The following DPYD variants were observed in gnomAD, a reference collection of about 807,000 sequenced individuals.
DPYD encodes the protein dihydropyrimidine dehydrogenase.
In DPYD, 109 loss-of-function variants were observed where a neutral mutation model predicts 116.2. The ratio of observed to expected loss-of-function variants is 0.94; its 90% CI spans 0.80 to 1.10. The LOEUF (loss-of-function observed/expected upper bound fraction) is 1.10, where lower values mean the gene tolerates loss of function less well. DPYD is among the 50% of genes least tolerant of loss of function. The probability of loss-of-function intolerance (pLI) is 0.00; values close to 1 mark genes in which losing one functional copy is unlikely to be tolerated. For synonymous variants in DPYD, 440 were observed against 432.0 expected, an observed-to-expected ratio of 1.02 and a Z score of -0.23; for missense variants, 1,302 against 1,254.5, an observed-to-expected ratio of 1.04 and a Z score of -0.57.
intron 20 of DPYD, among the ~76,000 whole-genome samples, chr1:97,154,636 G>A (rs1276550987): frequency 1.3e-5 from 2 of 151,444 alleles, no homozygotes; most frequent in Admixed American, 6.6e-5. Context: ...CCCAGCTACT[G>A]AGGGGTTGAT....
intron 11 of DPYD, among the ~76,000 whole-genome samples, chr1:97,560,707 A>G (rs1652084800): frequency 6.6e-6 from 1 of 152,166 alleles, no homozygotes; most frequent in Admixed American, 6.6e-5. Context: ...TAAGTAAGTG[A>G]ACTATATGAT....
intron 12 of DPYD, among the ~76,000 whole-genome samples, chr1:97,532,729 C>A (rs1649718689): frequency 6.7e-6 from 1 of 150,186 alleles, no homozygotes. Flanking sequence ...TGTTTCATTT[C>A]CGATTTTATT....
At chr1:97,614,646 C>A (rs1010740370) in intron 8 of DPYD, among the ~76,000 whole-genome samples, 1 of 152,090 alleles carries the variant, frequency 6.6e-6, no homozygotes, top group African/African-American at 2.4e-5. Flanking sequence ...CGACTACTCA[C>A]TAATATAAAT....
At chr1:97,150,535 C>G (rs1319561875) in intron 20 of DPYD, among the ~76,000 whole-genome samples, 3 of 152,202 alleles carry the variant, frequency 2.0e-5, no homozygotes, top group Admixed American at 2.0e-4. Context: ...CTATAATAAG[C>G]TCACCCAGGC....
At position 97,880,526 on chromosome 1, in the gene DPYD, C is replaced by A. The variant is rs2101635950; in HGVS notation, c.150+2738G>T. Among the ~76,000 whole-genome samples, 3 of 151,444 alleles carry A rather than the reference C, an allele frequency of 2.0e-5. No individual in the cohort carries two copies. The Middle Eastern group carries it at 0.01, about 515-fold the overall frequency. On this transcript the variant is annotated intron_variant, in intron 2 of 22. Coordinates refer to ENST00000370192, the MANE Select transcript of DPYD (RefSeq NM_000110.4). ...TTCATATTTCACTTTTGGGAATAAACCTTACTGCTCTGAGAAATTCATGAA... is the reference window on the plus strand; with the variant it reads ...TTCATATTTCACTTTTGGGAATAAAACTTACTGCTCTGAGAAATTCATGAA...
At chr1:97,251,411 A>AAT (rs1226235961) in intron 18 of DPYD, among the ~76,000 whole-genome samples, 1 of 143,370 alleles carries the variant, frequency 7.0e-6, no homozygotes, top group Non-Finnish European at 1.5e-5. Flanking sequence ...AAAAAAAAAA[A>AAT]AAGAAAGAAA....
At chr1:97,197,083 GAA>G (rs1369631104) in intron 19 of DPYD, among the ~76,000 whole-genome samples, 1 of 152,102 alleles carries the variant, frequency 6.6e-6, no homozygotes, top group Admixed American at 6.5e-5. Context: ...GTACAATGTA[GAA>G]AAGAGTATAG....
intron 3 of DPYD, among the ~76,000 whole-genome samples, chr1:97,761,187 A>G (rs1420445454): frequency 1.3e-5 from 2 of 152,162 alleles, no homozygotes; most frequent in Non-Finnish European, 2.9e-5. Context: ...GATAAAAACA[A>G]ATAAACACAA....
intron 16 of DPYD, among the ~76,000 whole-genome samples, chr1:97,355,531 C>T (rs1398583597): frequency 1.3e-5 from 2 of 152,104 alleles, no homozygotes; most frequent in Admixed American, 1.3e-4. Flanking sequence ...TGAGACTTTA[C>T]ATCCTTTCAC....
intron 13 of DPYD, among the ~76,000 whole-genome samples, chr1:97,459,458 G>GT (rs1163693194): frequency 3.3e-5 from 5 of 151,964 alleles, no homozygotes; most frequent in Non-Finnish European, 5.9e-5. Flanking sequence ...AGGAAAATAC[G>GT]TTTTTTAAAG....
chr1:97,789,955 C>G lies in DPYD; in HGVS notation c.233+38159G>C, dbSNP rs541849377. On this transcript the variant is annotated intron_variant, in intron 3 of 22. Transcript: ENST00000370192. ...TGGTTTTGAAAAACAAAAAACGAAG[C>G]CCTTCAAGATTGCAAGGGAGAAATA... is the stretch of plus-strand genomic sequence containing the variant. 6.6e-5 allele frequency among the ~76,000 whole-genome samples: 10 copies of G among 152,136 alleles called. No homozygotes were observed. In the South Asian group the frequency reaches 1.9e-3, roughly 28 times the overall value.
At chr1:97,732,328 A>T (rs1454702633) in intron 4 of DPYD, among the ~76,000 whole-genome samples, 4 of 152,102 alleles carry the variant, frequency 2.6e-5, no homozygotes, top group Non-Finnish European at 5.9e-5. Flanking sequence ...ACAAAAAATT[A>T]GCCGGGCATG....
At chr1:97,724,304 GGGGGTGTGTGTGTGTGT>G (rs1663103129) in intron 4 of DPYD, among the ~76,000 whole-genome samples, 3 of 14,426 alleles carry the variant, frequency 2.1e-4, no homozygotes, top group African/African-American at 8.5e-4. Context: ...GGGGGGGGGG[GGGGGTGTGTGTGTGTGT>G]GTGTGTGTGT....
In DPYD at chr1:97,786,854, G is replaced by A. The variant is rs149694479; in HGVS notation, c.233+41260C>T. Among the ~76,000 whole-genome samples, 1,384 of 152,286 alleles carry A rather than the reference G, an allele frequency of 9.1e-3. 21 individuals are homozygous for A. Among genetic ancestry groups the A allele is most frequent in the African/African-American group, 0.031 (1,281 of 41,566 alleles). On this transcript the variant is annotated intron_variant, in intron 3 of 22. Coordinates refer to ENST00000370192, the MANE Select transcript of DPYD (RefSeq NM_000110.4). ...GTTAAAATATAGTATATACCTGAAAGAATTTGGGTGGAAATAAAAAGCTAA... is the reference window on the plus strand; with the variant it reads ...GTTAAAATATAGTATATACCTGAAAAAATTTGGGTGGAAATAAAAAGCTAA...
chr1:97,102,373 T>C (rs1202604367), intron 20 of DPYD, among the ~76,000 whole-genome samples: 1 of 133,562 alleles, frequency 7.5e-6, no homozygotes, highest in African/African-American at 2.7e-5. Flanking sequence ...TTCCGGCTTA[T>C]ATCAGAATAT....
At chr1:97,414,548 T>C (rs1557696176) in intron 14 of DPYD, among the ~76,000 whole-genome samples, 1 of 152,190 alleles carries the variant, frequency 6.6e-6, no homozygotes, top group Non-Finnish European at 1.5e-5. Context: ...GAATAGAAAA[T>C]TCATTTGGGT....
chr1:97,181,456 C>T (rs943957027), intron 20 of DPYD, among the ~76,000 whole-genome samples: 2 of 152,064 alleles, frequency 1.3e-5, no homozygotes, highest in African/African-American at 4.8e-5. Context: ...ATTTACTGCC[C>T]AAACTTGAAG....
At chr1:97,499,541 T>C (rs978839345) in intron 13 of DPYD, among the ~76,000 whole-genome samples, 1 of 151,846 alleles carries the variant, frequency 6.6e-6, no homozygotes, top group African/African-American at 2.4e-5. Flanking sequence ...ATAGTATATA[T>C]ACAACTTCAA....
chr1:97,278,930 T>G (rs894543193), intron 18 of DPYD, among the ~76,000 whole-genome samples: 12 of 152,090 alleles, frequency 7.9e-5, no homozygotes, highest in African/African-American at 2.7e-4. Context: ...AATTTTTTTT[T>G]TCCCACAGCT....
Sources: allele counts gnomAD v4.1 joint callset (sites outside exome capture counted in the v4.1 genomes callset), GRCh38; gene constraint gnomAD v4.1.1; transcripts MANE v1.5; gene names NCBI Gene and HGNC (gene_info 2026-07-23, HGNC 2026-07-21).